Variants in DCUN1D4 observed in about 807,000 individuals in gnomAD.
The protein encoded by DCUN1D4 is defective in cullin neddylation 1 domain containing 4, also known as DCN1-like protein 4.
DCUN1D4 carries 22 observed loss-of-function variants against 47.9 expected under a neutral mutation model. That is an observed-to-expected ratio of 0.46 (90% CI 0.33 to 0.66). The LOEUF (loss-of-function observed/expected upper bound fraction) is 0.66. DCUN1D4 is among the 30% of genes least tolerant of loss of function. The probability of loss-of-function intolerance (pLI) is 0.02; values close to 1 mark genes in which losing one functional copy is unlikely to be tolerated. For missense variants in DCUN1D4, 301 were observed against 340.8 expected, an observed-to-expected ratio of 0.88 and a Z score of 0.92; for synonymous variants, 121 against 112.2, an observed-to-expected ratio of 1.08 and a Z score of -0.50.
At chr4:51,886,916 C>T in intron 6 of DCUN1D4, 2 of 431,624 alleles carry the variant, frequency 4.6e-6, no homozygotes, top group Middle Eastern at 5.9e-4. Flanking sequence ...GCCACATGTG[C>T]CTACAATGAC....
chr4:51,894,953 G>C (rs1205603043), intron 7 of DCUN1D4, among the ~76,000 whole-genome samples: 1 of 152,072 alleles, frequency 6.6e-6, no homozygotes. Context: ...TTTGGTGTCT[G>C]GTGACAGCCT....
chr4:51,909,028 C>G, intron 8 of DCUN1D4: 1 of 455,812 alleles, frequency 2.2e-6, no homozygotes, highest in Non-Finnish European at 4.4e-6. Flanking sequence ...GCCTTTCCTC[C>G]GTGTTTTGGC....
At chr4:51,861,036 C>T (rs967837422) in intron 1 of DCUN1D4, among the ~76,000 whole-genome samples, 10 of 152,202 alleles carry the variant, frequency 6.6e-5, no homozygotes, top group African/African-American at 2.2e-4. Flanking sequence ...TTATTGAGCA[C>T]TTACTATCTT....
chr4:51,881,678 C>G (rs1030851810), intron 5 of DCUN1D4, among the ~76,000 whole-genome samples: 1 of 134,306 alleles, frequency 7.4e-6, no homozygotes, highest in Non-Finnish European at 1.6e-5. Flanking sequence ...AAAAAAAAAA[C>G]AAGAAAAAAA....
At chr4:51,848,230 G>T (rs1489994953) in intron 1 of DCUN1D4, 1 of 1,289,136 alleles carries the variant, frequency 7.8e-7, no homozygotes, top group Admixed American at 2.3e-5. Flanking sequence ...AATGTGGCGT[G>T]GAGAAATTCT....
At chr4:51,913,133 T>C (rs1168589531) in intron 9 of DCUN1D4, among the ~76,000 whole-genome samples, 157 bp from the exon 10 acceptor site, 3 of 152,142 alleles carry the variant, frequency 2.0e-5, no homozygotes, top group Admixed American at 2.0e-4. Flanking sequence ...CTACTCTTGC[T>C]CTCCCTCACC....
Position 51,914,407 on chromosome 4 carries a change from T to C in DCUN1D4, c.*823T>C. 1 of 152,358 alleles carries C rather than the reference T, an allele frequency of 6.6e-6. No individual in the cohort carries two copies. The highest frequency in any genetic ancestry group is 1.9e-4 in the East Asian group (1 of 5,198). The allele number at this position is 152,358 out of a possible 1,614,324, so 9.4% of individuals were successfully genotyped here. On this transcript the variant is annotated 3_prime_UTR_variant, in exon 11 of 11. Coordinates refer to ENST00000334635, the MANE Select transcript of DCUN1D4 (RefSeq NM_001040402.3). ...TTCTTCTAGCCAGTGATTGATCTGC[T>C]AATGCTTTCTTTGCCACTCTAAGTA... is the stretch of plus-strand genomic sequence containing the variant.
chr4:51,906,618 A>G (rs1732935671), intron 8 of DCUN1D4, among the ~76,000 whole-genome samples: 3 of 152,220 alleles, frequency 2.0e-5, no homozygotes, highest in Admixed American at 6.5e-5. Context: ...GTCATTTACA[A>G]AGAAAACAGA....
the DCUN1D4 span, among the ~76,000 whole-genome samples, chr4:51,836,204 A>C: frequency 6.6e-6 from 1 of 152,208 alleles, no homozygotes; most frequent in Non-Finnish European, 1.5e-5. Flanking sequence ...TTCTTAACTC[A>C]GGAGCTGGTG....
At chr4:51,896,069 T>A (rs1191338219) in intron 7 of DCUN1D4, among the ~76,000 whole-genome samples, 3 of 152,218 alleles carry the variant, frequency 2.0e-5, no homozygotes, top group African/African-American at 7.2e-5. Context: ...GGGCTTTGTG[T>A]GTTCAAGACA....
chr4:51,914,289 A>T lies in DCUN1D4; in HGVS notation c.*705A>T, dbSNP rs186555688. The T allele has an allele frequency of 2.6e-5, 4 of 152,302 alleles. No individual in the cohort carries two copies. The highest frequency in any genetic ancestry group is 6.5e-5 in the Admixed American group (1 of 15,292). The allele number at this position is 152,302 out of a possible 1,614,324, so 9.4% of individuals were successfully genotyped here. ...ATATAGGTACCAATGAACAAATTCA[A>T]ATTGCACCTCTTTTCTTAAAAGAAT... On this transcript the variant is annotated 3_prime_UTR_variant, in exon 11 of 11. Transcript: ENST00000334635.
At chr4:51,886,873 GT>G in intron 6 of DCUN1D4, 1 of 489,882 alleles carries the variant, frequency 2.0e-6, no homozygotes, top group South Asian at 2.1e-5. Context: ...TATGTAAAAG[GT>G]ACAGTAAGCC....
intron 5 of DCUN1D4, among the ~76,000 whole-genome samples, chr4:51,880,573 C>G (rs933394219): frequency 2.6e-5 from 4 of 152,188 alleles, no homozygotes; most frequent in African/African-American, 7.2e-5. Flanking sequence ...CCAGTTAACC[C>G]CAGTCATCCT....
intron 1 of DCUN1D4, among the ~76,000 whole-genome samples, chr4:51,847,318 TGTAAG>T (rs1477786710): frequency 6.6e-6 from 1 of 152,210 alleles, no homozygotes; most frequent in Non-Finnish European, 1.5e-5. Flanking sequence ...TATATAGACT[TGTAAG>T]GTACACAGAA....
In DCUN1D4 at chr4:51,900,975, C is replaced by G. The variant is rs532711104; in HGVS notation, c.615+1597C>G. Reference sequence around the variant, plus strand: ...CTAACGTCCTGTTCTGGGGCAGTCACCCTGGCACATCTCATGAGTGCTCTT... The same window carrying G: ...CTAACGTCCTGTTCTGGGGCAGTCAGCCTGGCACATCTCATGAGTGCTCTT... On this transcript the variant is annotated intron_variant, in intron 8 of 10. Coordinates refer to ENST00000334635, the MANE Select transcript of DCUN1D4 (RefSeq NM_001040402.3). 2.0e-3 allele frequency among the ~76,000 whole-genome samples: 304 copies of G among 152,270 alleles called. 1 individual carries two copies. The highest frequency in any genetic ancestry group is 7.0e-3 in the African/African-American group (289 of 41,548).
chr4:51,907,036 A>G (rs1220531722), intron 8 of DCUN1D4, among the ~76,000 whole-genome samples: 1 of 152,208 alleles, frequency 6.6e-6, no homozygotes, highest in South Asian at 2.1e-4. Context: ...AGCTTGAAGT[A>G]AGTTCTCAGG....
At position 51,915,014 on chromosome 4, in the gene DCUN1D4, C is replaced by G. The variant is rs1323473271; in HGVS notation, c.*1430C>G. ...TAAATGCTGTCGTGGTCAGCAAGATCCGTGATTTGAACATGTGATGACTGG... is the reference window on the plus strand; with the variant it reads ...TAAATGCTGTCGTGGTCAGCAAGATGCGTGATTTGAACATGTGATGACTGG... On this transcript the variant is annotated 3_prime_UTR_variant, in exon 11 of 11. Transcript: ENST00000334635. 1 of 152,298 alleles carries G rather than the reference C, an allele frequency of 6.6e-6. No homozygotes were observed. Among genetic ancestry groups the G allele is most frequent in the Non-Finnish European group, 1.5e-5 (1 of 67,948 alleles). 9.4% of individuals were successfully genotyped at this position (152,298 alleles called of 1,614,324 possible).
At chr4:51,846,509 A>T (rs954698634) in intron 1 of DCUN1D4, among the ~76,000 whole-genome samples, 2 of 152,176 alleles carry the variant, frequency 1.3e-5, no homozygotes, top group Admixed American at 1.3e-4. Flanking sequence ...TGCTCCCAGC[A>T]GCTCTTCTTG....
chr4:51,843,175 A>C lies in DCUN1D4; in HGVS notation c.-68A>C. On this transcript the variant is annotated 5_prime_UTR_variant, in exon 1 of 11. Transcript: ENST00000334635. ...CTCAGCTTCGAGCCGAGGTGCAGTG[A>C]GCTGGTGGGGGGACCGCGAGGCGAG... 1 of 1,531,388 alleles carries C rather than the reference A, an allele frequency of 6.5e-7. No homozygotes were observed. Among genetic ancestry groups the C allele is most frequent in the Non-Finnish European group, 8.8e-7 (1 of 1,139,752 alleles). 94.9% of individuals were successfully genotyped at this position (1,531,388 alleles called of 1,614,324 possible). A position where few individuals can be genotyped will look rare whatever the true frequency, so the allele number is the denominator to read the frequency against.
Sources: gnomAD v4.1 joint callset for allele counts (sites outside exome capture counted in the v4.1 genomes callset) on GRCh38, gnomAD v4.1.1 for gene constraint, MANE v1.5 for transcripts, NCBI Gene and HGNC (gene_info 2026-07-23, HGNC 2026-07-21) for gene names.